Variants in CFAP299 observed in about 807,000 individuals in gnomAD.
CFAP299 encodes the protein cilia and flagella associated protein 299.
CFAP299 carries 21 observed loss-of-function variants against 27.0 expected under a neutral mutation model. The observed-to-expected ratio is 0.78, with a 90% CI of 0.55 to 1.12. The LOEUF is 1.12. Among genes scored for constraint, CFAP299 ranks in the 50% most tolerant of loss-of-function variants. The probability of loss-of-function intolerance (pLI) is 0.00; values close to 1 mark genes in which losing one functional copy is unlikely to be tolerated. For missense variants in CFAP299, 310 were observed against 276.6 expected, an observed-to-expected ratio of 1.12 and a Z score of -0.86; for synonymous variants, 104 against 98.1, an observed-to-expected ratio of 1.06 and a Z score of -0.36.
chr4:80,718,458 T>C (rs1722617868), intron 3 of CFAP299, among the ~76,000 whole-genome samples: 1 of 152,144 alleles, frequency 6.6e-6, no homozygotes, highest in Non-Finnish European at 1.5e-5. Flanking sequence ...TGCCTCTGTG[T>C]AGTACTTTGG....
intron 2 of CFAP299, among the ~76,000 whole-genome samples, chr4:80,561,595 A>C (rs555064969): frequency 1.4e-4 from 22 of 152,182 alleles, no homozygotes; most frequent in African/African-American, 5.3e-4. Context: ...CTATCAGATA[A>C]ATTTAACAAA....
At chr4:80,362,090 A>G (rs571800303) in intron 1 of CFAP299, among the ~76,000 whole-genome samples, 6 of 149,504 alleles carry the variant, frequency 4.0e-5, no homozygotes, top group Non-Finnish European at 7.4e-5. Flanking sequence ...TAAAGTAAGA[A>G]AAGTGTAAGG....
At chr4:80,502,283 G>A (rs1217033162) in intron 2 of CFAP299, among the ~76,000 whole-genome samples, 4 of 151,974 alleles carry the variant, frequency 2.6e-5, no homozygotes, top group African/African-American at 4.8e-5. Context: ...ATCACCAATG[G>A]CAATGATTTT....
chr4:80,380,632 T>C (rs953501807), intron 2 of CFAP299, among the ~76,000 whole-genome samples: 23 of 152,162 alleles, frequency 1.5e-4, no homozygotes, highest in East Asian at 1.2e-3. Context: ...TTTTGCCATG[T>C]TGGCCAGGCT....
chr4:80,370,403 C>T (rs972944109), intron 2 of CFAP299, among the ~76,000 whole-genome samples: 1 of 152,184 alleles, frequency 6.6e-6, no homozygotes, highest in African/African-American at 2.4e-5. Context: ...TCATGCCTTC[C>T]CAACAGTCCC....
intron 3 of CFAP299, among the ~76,000 whole-genome samples, chr4:80,654,924 T>C (rs1640480777): frequency 6.6e-6 from 1 of 151,914 alleles, no homozygotes; most frequent in South Asian, 2.1e-4. Context: ...CTATTCTAAC[T>C]TACTATTTTT....
At position 80,800,511 on chromosome 4, in the gene CFAP299, A is replaced by T. The variant is rs28788311; in HGVS notation, c.334-69482A>T. Among the ~76,000 whole-genome samples, 304 of 31,222 alleles carry T rather than the reference A, an allele frequency of 9.7e-3. 17 individuals carry two copies. Among genetic ancestry groups the T allele is most frequent in the South Asian group, 0.069 (48 of 692 alleles). 20.5% of individuals were successfully genotyped at this position (31,222 alleles called of 152,430 possible). On this transcript the variant is annotated intron_variant, in intron 3 of 5. Coordinates refer to ENST00000358105, the MANE Select transcript of CFAP299 (RefSeq NM_152770.3). ...TATATAATATATAATATATTATATA[A>T]TATATAATATATAATATATTATATA...
intron 3 of CFAP299, among the ~76,000 whole-genome samples, chr4:80,688,760 AT>A (rs1720421941): frequency 6.6e-6 from 1 of 152,182 alleles, no homozygotes; most frequent in African/African-American, 2.4e-5. Flanking sequence ...ACGGGAGGAC[AT>A]TCAAACCAAA....
intron 3 of CFAP299, among the ~76,000 whole-genome samples, chr4:80,642,215 A>T (rs966859047): frequency 1.3e-5 from 2 of 152,204 alleles, no homozygotes; most frequent in East Asian, 3.8e-4. Context: ...AGGCAAAGGC[A>T]TCTGGTTGGA....
At chr4:80,350,043 C>G (rs1722943902) in intron 1 of CFAP299, among the ~76,000 whole-genome samples, 1 of 152,084 alleles carries the variant, frequency 6.6e-6, no homozygotes, top group Non-Finnish European at 1.5e-5. Flanking sequence ...GTGAAAACAA[C>G]TCTGTTCACC....
intron 2 of CFAP299, among the ~76,000 whole-genome samples, chr4:80,382,447 A>G (rs1483207722): frequency 6.6e-6 from 1 of 152,200 alleles, no homozygotes; most frequent in African/African-American, 2.4e-5. Context: ...GCATCTGACA[A>G]AGGTCTACTA....
In CFAP299 at chr4:80,820,572, C is replaced by T. The variant is rs537536971; in HGVS notation, c.334-49421C>T. Among the ~76,000 whole-genome samples, 40 of 151,900 alleles carry T rather than the reference C, an allele frequency of 2.6e-4. 1 individual carries two copies. The highest frequency in any genetic ancestry group is 1.0e-3 in the South Asian group (5 of 4,798). On this transcript the variant is annotated intron_variant, in intron 3 of 5. Transcript: ENST00000358105. ...GGTAGGACCCAAGGGTGGGGAGGGA[C>T]GGAGGAGCCAGATGGGTCATTAAGG...
At chr4:80,960,716 CT>C (rs1738302997) in intron 5 of CFAP299, among the ~76,000 whole-genome samples, 1 of 151,820 alleles carries the variant, frequency 6.6e-6, no homozygotes, top group South Asian at 2.1e-4. Context: ...ATTAAAAGGA[CT>C]TTTACCAAAG....
chr4:80,424,967 G>A (rs1320332891), intron 2 of CFAP299, among the ~76,000 whole-genome samples: 5 of 152,120 alleles, frequency 3.3e-5, no homozygotes, highest in African/African-American at 1.2e-4. Flanking sequence ...AAGGAATGGT[G>A]TCCATTACTT....
chr4:80,893,956 C>A (rs1734480333), intron 4 of CFAP299, among the ~76,000 whole-genome samples: 1 of 151,710 alleles, frequency 6.6e-6, no homozygotes, highest in Non-Finnish European at 1.5e-5. Flanking sequence ...TATTTGCAAA[C>A]CACACATCTG....
rs1362550142 is a variant in CFAP299 at position 80,503,987 on chromosome 4, C to CTTCT, written c.243-79106_243-79105insTTCT. On this transcript the variant is annotated intron_variant, in intron 2 of 5. Coordinates refer to ENST00000358105, the MANE Select transcript of CFAP299 (RefSeq NM_152770.3). ...AGAGATGAATTTATGAGCAAAGAAA[C>CTTCT]ATGATTCATTCCTTTGTGAATTTTA... Among the ~76,000 whole-genome samples the CTTCT allele has an allele frequency of 5.6e-3, 850 of 152,196 alleles. 6 individuals carry two copies. The highest frequency in any genetic ancestry group is 0.019 in the African/African-American group (801 of 41,534).
At chr4:80,363,472 C>A (rs1723653074) in intron 2 of CFAP299, among the ~76,000 whole-genome samples, 1 of 152,074 alleles carries the variant, frequency 6.6e-6, no homozygotes, top group Admixed American at 6.6e-5. Flanking sequence ...AAATTAATAA[C>A]CTATTTCATT....
intron 3 of CFAP299, among the ~76,000 whole-genome samples, chr4:80,813,920 T>C (rs190500052): frequency 6.6e-6 from 1 of 152,162 alleles, no homozygotes; most frequent in African/African-American, 2.4e-5. Context: ...TTGTTTCATC[T>C]ATTTTCTGTA....
At chr4:80,897,171 A>G (rs1181100626) in intron 4 of CFAP299, among the ~76,000 whole-genome samples, 1 of 152,202 alleles carries the variant, frequency 6.6e-6, no homozygotes, top group Non-Finnish European at 1.5e-5. Context: ...AGACACATAG[A>G]AAAACAGCAA....
Sources: allele counts gnomAD v4.1 joint callset (sites outside exome capture counted in the v4.1 genomes callset), GRCh38; gene constraint gnomAD v4.1.1; transcripts MANE v1.5; gene names NCBI Gene and HGNC (gene_info 2026-07-23, HGNC 2026-07-21).